CHD7: variants seen among roughly 807,000 people sequenced by gnomAD.
CHD7 encodes the protein chromodomain helicase DNA binding protein 7.
CHD7 carries 24 observed loss-of-function variants against 307.3 expected under a neutral mutation model. The ratio of observed to expected loss-of-function variants is 0.08; its 90% CI spans 0.06 to 0.11. CHD7 has a LOEUF of 0.11. Among genes scored for constraint, CHD7 ranks in the 10% least tolerant of loss-of-function variants. The probability of loss-of-function intolerance (pLI) is 1.00; values close to 1 mark genes in which losing one functional copy is unlikely to be tolerated. For missense variants in CHD7, 3,106 were observed against 3,727.1 expected, an observed-to-expected ratio of 0.83 and a Z score of 4.34; for synonymous variants, 1,363 against 1,349.9, an observed-to-expected ratio of 1.01 and a Z score of -0.21.
Position 60,741,511 on chromosome 8 carries a change from T to C in CHD7, c.79T>C (p.Cys27Arg). The C allele has an allele frequency of 1.2e-6, 2 of 1,613,186 alleles. No individual in the cohort carries two copies. Among genetic ancestry groups the C allele is most frequent in the Non-Finnish European group, 1.7e-6 (2 of 1,179,542 alleles). The change falls in exon 2 of 38, where the codon TGT becomes CGT. Residue 27 changes from cysteine to arginine, a missense_variant. Cys to Arg is a radical substitution (Grantham distance 180). This residue lies in a region of CHD7 where 998 missense variants were observed against 1,004.5 expected (regional missense o/e 0.99). Coordinates refer to ENST00000423902, the MANE Select transcript of CHD7 (RefSeq NM_017780.4). Reference sequence around the variant, plus strand: ...TGAAGGTCTTGAAGGCCTCGGAGAATGTGGTTACCCGGAAAATCCAGTAAA... The same window carrying C: ...TGAAGGTCTTGAAGGCCTCGGAGAACGTGGTTACCCGGAAAATCCAGTAAA... ...FSEGLEGLGE[C>R]GYPENPVNPM... is the part of the protein sequence containing the mutation.
intron 2 of CHD7, among the ~76,000 whole-genome samples, chr8:60,767,546 G>A (rs1010264506): frequency 1.3e-5 from 2 of 152,208 alleles, no homozygotes; most frequent in East Asian, 3.8e-4. Context: ...AGTGGCTGCC[G>A]AAGCTCATGG....
chr8:60,738,286 A>T (rs1318489857), intron 1 of CHD7, among the ~76,000 whole-genome samples: 5 of 152,188 alleles, frequency 3.3e-5, no homozygotes, highest in African/African-American at 1.2e-4. Flanking sequence ...TTTTATATTG[A>T]TTACCTGTTG....
At position 60,822,684 on chromosome 8, in the gene CHD7, C is replaced by T. The variant is rs755751876; in HGVS notation, c.3139C>T (p.His1047Tyr). Residue 1047 changes from histidine (H) to tyrosine (Y), a missense_variant, in exon 12 of 38, where the codon CAT becomes TAT. Physicochemically the swap from His to Tyr is moderately conservative, Grantham distance 83. Around this residue, in one of 10 missense-constraint regions of CHD7, gnomAD observed 232 missense variants for 422.5 expected, o/e 0.55. Coordinates refer to ENST00000423902, the MANE Select transcript of CHD7 (RefSeq NM_017780.4). ...TWTELNVVVY[H>Y]GSQASRRTIQ... ...GACAGAGTTGAACGTGGTTGTGTAT[C>T]ATGGGAGTCAAGCTAGTCGTCGGAC... 1 of 1,613,738 alleles carries T rather than the reference C, an allele frequency of 6.2e-7. No individual in the cohort carries two copies. The highest frequency in any genetic ancestry group is 1.7e-5 in the Admixed American group (1 of 60,016).
chr8:60,842,066 A>G lies in CHD7; in HGVS notation c.4850+14A>G. ...GCTTGTCTATGGGTAAGTAGGACTC[A>G]CTACGTAAGATAGAATTTTATTGTA... On this transcript the variant is annotated intron_variant, in intron 21 of 37. Coordinates refer to ENST00000423902, the MANE Select transcript of CHD7 (RefSeq NM_017780.4). The G allele has an allele frequency of 6.3e-7, 1 of 1,590,916 alleles. No individual in the cohort carries two copies. The highest frequency in any genetic ancestry group is 8.6e-7 in the Non-Finnish European group (1 of 1,164,252).
intron 1 of CHD7, among the ~76,000 whole-genome samples, chr8:60,735,608 G>GT (rs1689691741): frequency 6.6e-6 from 1 of 152,148 alleles, no homozygotes. Flanking sequence ...GACATAGGTT[G>GT]TAAGTATAGT....
chr8:60,815,786 TC>T (rs1027713619), intron 7 of CHD7, among the ~76,000 whole-genome samples: 14 of 152,184 alleles, frequency 9.2e-5, no homozygotes, highest in African/African-American at 3.4e-4. Context: ...GGCCCAGTGT[TC>T]CAGGAGCAGA....
chr8:60,734,091 ACTTT>A (rs1487185121), intron 1 of CHD7, among the ~76,000 whole-genome samples: 2 of 152,236 alleles, frequency 1.3e-5, no homozygotes, highest in Non-Finnish European at 2.9e-5. Flanking sequence ...TGTCAAGACT[ACTTT>A]CTTTAAGTGA....
At chr8:60,690,001 C>T (rs549277939) in intron 1 of CHD7, among the ~76,000 whole-genome samples, 68 of 152,314 alleles carry the variant, frequency 4.5e-4, no homozygotes, top group African/African-American at 1.5e-3. Context: ...ACTTGTTCCT[C>T]GTATTTGCGT....
intron 6 of CHD7, among the ~76,000 whole-genome samples, chr8:60,803,121 T>G (rs1800851562): frequency 6.6e-6 from 1 of 152,220 alleles, no homozygotes; most frequent in South Asian, 2.1e-4. Flanking sequence ...TACTAATGAC[T>G]CTAGAACTGC....
At chr8:60,839,070 C>G (rs914045177) in intron 19 of CHD7, among the ~76,000 whole-genome samples, 32 of 152,340 alleles carry the variant, frequency 2.1e-4, no homozygotes, top group African/African-American at 7.7e-4. Context: ...TGCTCATTAG[C>G]AATCATTCCC....
intron 1 of CHD7, among the ~76,000 whole-genome samples, chr8:60,718,931 C>A (rs1199280969): frequency 1.3e-5 from 2 of 152,190 alleles, no homozygotes; most frequent in Non-Finnish European, 2.9e-5. Context: ...CATTGTGTTG[C>A]AGTTGCCTAC....
intron 2 of CHD7, among the ~76,000 whole-genome samples, chr8:60,772,786 A>G (rs1810773146): frequency 6.6e-6 from 1 of 152,208 alleles, no homozygotes; most frequent in Admixed American, 6.5e-5. Flanking sequence ...AGGCCCATGA[A>G]CATACTGTCT....
At position 60,744,428 on chromosome 8, in the gene CHD7, TA is replaced by T. The variant is rs1358476420; in HGVS notation, c.1665+1335del. Among the ~76,000 whole-genome samples, 3 of 142,952 alleles carry T rather than the reference TA, an allele frequency of 2.1e-5. No individual in the cohort carries two copies. The Admixed American group carries it at 2.1e-4, about 10-fold the overall frequency. 93.8% of individuals were successfully genotyped at this position (142,952 alleles called of 152,430 possible). On this transcript the variant is annotated intron_variant, in intron 2 of 37. Transcript: ENST00000423902. ...GAAGGCATTGAAGCAGTGTTGAAAG[TA>T]AAAGGGTTTAGTCAGTAAACAAAGC...
In CHD7 at chr8:60,853,405, C is replaced by T; in HGVS notation, c.6680C>T (p.Thr2227Ile). ...ELKGVEVGADTGSKSISEKGS... is the reference protein window; with the variant it reads ...ELKGVEVGADIGSKSISEKGS... ...AAAGGTGTTGAGGTCGGCGCAGACA[C>T]TGGGTCCAAATCTATTTCAGAGAAA... Residue 2227 changes from threonine to isoleucine, a missense_variant, in exon 31 of 38, where the codon ACT (threonine) becomes ATT (isoleucine). Around this residue, in one of 10 missense-constraint regions of CHD7, gnomAD observed 1,030 missense variants for 1,165.4 expected, o/e 0.88. Transcript: ENST00000423902. 2 of 1,530,088 alleles carry T rather than the reference C, an allele frequency of 1.3e-6. No individual in the cohort carries two copies. The highest frequency in any genetic ancestry group is 1.3e-5 in the South Asian group (1 of 75,476). 94.8% of individuals were successfully genotyped at this position (1,530,088 alleles called of 1,614,324 possible). A position where few individuals can be genotyped will look rare whatever the true frequency, so the allele number is the denominator to read the frequency against.
chr8:60,755,316 A>G (rs1308986887), intron 2 of CHD7, among the ~76,000 whole-genome samples: 1 of 152,118 alleles, frequency 6.6e-6, no homozygotes, highest in Non-Finnish European at 1.5e-5. Context: ...TTTTATCCAT[A>G]AAAAACATTT....
chr8:60,696,500 A>C (rs1012964371), intron 1 of CHD7, among the ~76,000 whole-genome samples: 3 of 152,320 alleles, frequency 2.0e-5, no homozygotes, highest in Admixed American at 2.0e-4. Context: ...GAGCAGTAAC[A>C]GTACTTACTA....
intron 32 of CHD7, 68 bp downstream of exon 32, chr8:60,854,591 C>A: frequency 7.4e-7 from 1 of 1,351,760 alleles, no homozygotes. Context: ...ATCTTTCTAG[C>A]TTGATTTTTC....
rs71245516 is a variant in CHD7, at chr8:60,714,406, G to GCCCCCCCCCCCCCCCC, written c.-174-26847_-174-26832dup. Among the ~76,000 whole-genome samples, 4 of 17,626 alleles carry GCCCCCCCCCCCCCCCC rather than the reference G, an allele frequency of 2.3e-4. 1 individual carries two copies. The highest frequency in any genetic ancestry group is 7.7e-4 in the Admixed American group (1 of 1,296). The allele number at this position is 17,626 out of a possible 152,430, so 11.6% of individuals were successfully genotyped here. A position where few individuals can be genotyped will look rare whatever the true frequency, so the allele number is the denominator to read the frequency against. The stretch of plus-strand genomic sequence containing the variant: ...CTGACAACATGGCGGCCGGGAGAAG[G>GCCCCCCCCCCCCCCCC]CCCCCCCCCCCCCCCCCCCCCGCCC... On this transcript the variant is annotated intron_variant, in intron 1 of 37. Transcript: ENST00000423902.
intron 1 of CHD7, among the ~76,000 whole-genome samples, chr8:60,701,060 A>G (rs569394029): frequency 1.4e-4 from 22 of 152,356 alleles, no homozygotes; most frequent in Non-Finnish European, 1.5e-5. Flanking sequence ...ACTTGATGCA[A>G]TTCAGAATCT....
Sources: gnomAD v4.1 joint callset for allele counts (sites outside exome capture counted in the v4.1 genomes callset) on GRCh38, gnomAD v4.1.1 for gene constraint, gnomAD v4.1.1 regional missense constraint, MANE v1.5 for transcripts, NCBI Gene and HGNC (gene_info 2026-07-23, HGNC 2026-07-21) for gene names.